The following HOOK3 variants were observed in gnomAD, a reference collection of about 807,000 sequenced individuals.
HOOK3 encodes protein Hook homolog 3.
In HOOK3, 24 loss-of-function variants were observed where a neutral mutation model predicts 116.3. The ratio of observed to expected loss-of-function variants is 0.21; its 90% CI spans 0.15 to 0.29. The LOEUF is 0.29. HOOK3 is among the 10% of genes least tolerant of loss of function. HOOK3 has a pLI of 1.00. For synonymous variants in HOOK3, 275 were observed against 283.0 expected (o/e 0.97, Z 0.28); for missense variants, 632 against 830.2 (o/e 0.76, Z 2.93).
At chr8:42,923,804 C>T (rs369124990) in intron 2 of HOOK3, among the ~76,000 whole-genome samples, 23 of 152,182 alleles carry the variant, frequency 1.5e-4, no homozygotes, top group African/African-American at 4.8e-4. Flanking sequence ...TAAATTGTGT[C>T]GTGAGTTATT....
intron 2 of HOOK3, among the ~76,000 whole-genome samples, chr8:42,924,155 G>A (rs1466541512): frequency 6.6e-6 from 1 of 151,894 alleles, no homozygotes; most frequent in African/African-American, 2.4e-5. Flanking sequence ...AGAGGCAGTT[G>A]TGGTGTTATG....
rs1335830775 is a variant in HOOK3 at position 42,997,561 on chromosome 8, A to G, written c.1544A>G (p.Gln515Arg). ...CATTTCATTTCTAGGCTGGTGAATC[A>G]AAGACTTCTGGAAGTACAGTCACAA... Reference protein sequence around the residue: ...ELETENRLVNQRLLEVQSQVE... With the variant: ...ELETENRLVNRRLLEVQSQVE... The change falls in exon 16 of 22, where the codon CAA (glutamine) becomes CGA (arginine). Residue 515 changes from glutamine (Q) to arginine (R), a missense_variant. Transcript: ENST00000307602. 6.2e-7 allele frequency: 1 copy of G among 1,604,068 alleles called. No homozygotes were observed.
chr8:43,014,232 GC>G (rs1256014663), intron 21 of HOOK3, among the ~76,000 whole-genome samples: 2 of 142,080 alleles, frequency 1.4e-5, no homozygotes, highest in Non-Finnish European at 3.0e-5. Context: ...GTTGCAATGA[GC>G]CGAGATTGTG....
At chr8:42,906,524 AG>A (rs1429194532) in intron 2 of HOOK3, among the ~76,000 whole-genome samples, 1 of 152,134 alleles carries the variant, frequency 6.6e-6, no homozygotes, top group Non-Finnish European at 1.5e-5. Context: ...TTTTCTTGTT[AG>A]TGGCCAGATT....
At chr8:42,926,057 C>G (rs930994140) in intron 3 of HOOK3, among the ~76,000 whole-genome samples, 1 of 152,170 alleles carries the variant, frequency 6.6e-6, no homozygotes, top group Non-Finnish European at 1.5e-5. Flanking sequence ...CGTAAACACT[C>G]AGAGAATGAA....
Position 43,028,899 on chromosome 8 carries a change from C to G in HOOK3, c.*10401C>G, listed in dbSNP as rs952496605. Reference sequence around the variant, plus strand: ...AGCAACAGACTTGATCCAGCAGTGTCGAATTCCAAGCAAGTTATGATGATT... The same window carrying G: ...AGCAACAGACTTGATCCAGCAGTGTGGAATTCCAAGCAAGTTATGATGATT... On this transcript the variant is annotated 3_prime_UTR_variant, in exon 22 of 22. Coordinates refer to ENST00000307602, the MANE Select transcript of HOOK3 (RefSeq NM_032410.4). 10 of 202,286 alleles carry G rather than the reference C, an allele frequency of 4.9e-5. No homozygotes were observed. Among genetic ancestry groups the G allele is most frequent in the African/African-American group, 2.3e-4 (10 of 43,370 alleles). 12.5% of individuals were successfully genotyped at this position (202,286 alleles called of 1,614,324 possible).
intron 2 of HOOK3, among the ~76,000 whole-genome samples, chr8:42,911,715 ATGGT>A (rs758594394): frequency 9.2e-5 from 14 of 152,152 alleles, no homozygotes; most frequent in Non-Finnish European, 1.9e-4. Context: ...GCATATTTTG[ATGGT>A]TGGTATGTGG....
At position 42,964,418 on chromosome 8, in the gene HOOK3, A is replaced by C; in HGVS notation, c.723A>C (p.Gly241=). 6.2e-7 allele frequency: 1 copy of C among 1,614,178 alleles called. No individual in the cohort carries two copies. Among genetic ancestry groups the C allele is most frequent in the Non-Finnish European group, 8.5e-7 (1 of 1,180,016 alleles). The change falls in exon 9 of 22, where the codon GGA becomes GGC. Residue 241 remains glycine, a synonymous_variant. Transcript: ENST00000307602. ...TAGAAGACCCTAACAGTCCAGCAGG[A>C]AGAAGGCATTTGCAGCTCCAGACTC... is the stretch of plus-strand genomic sequence containing the variant. ...DSIEDPNSPA[G]RRHLQLQTQL...
chr8:42,897,545 A>T (rs1329057157), intron 1 of HOOK3, among the ~76,000 whole-genome samples: 1 of 152,160 alleles, frequency 6.6e-6, no homozygotes, highest in Non-Finnish European at 1.5e-5. Flanking sequence ...TTCGCGGAGG[A>T]CGGGCCCGGC....
rs71231881 is a variant in HOOK3 at position 43,004,679 on chromosome 8, TAAA to T, written c.1655+2559_1655+2561del. ...CTGGGAGGCAGAGCAAGACTCCATCTAAAAAAAAAAAAAAAAAAAAAAACTACA... is the reference window on the plus strand; with the variant it reads ...CTGGGAGGCAGAGCAAGACTCCATCTAAAAAAAAAAAAAAAAAAAACTACA... On this transcript the variant is annotated intron_variant, in intron 17 of 21. Transcript: ENST00000307602. Among the ~76,000 whole-genome samples the T allele has an allele frequency of 2.1e-4, 18 of 86,658 alleles. 1 individual carries two copies. Among genetic ancestry groups the T allele is most frequent in the African/African-American group, 7.1e-4 (16 of 22,458 alleles). 56.9% of individuals were successfully genotyped at this position (86,658 alleles called of 152,430 possible). A position where few individuals can be genotyped will look rare whatever the true frequency, so the allele number is the denominator to read the frequency against.
chr8:42,965,873 T>C (rs1169819185), intron 9 of HOOK3, among the ~76,000 whole-genome samples: 1 of 152,174 alleles, frequency 6.6e-6, no homozygotes, highest in Non-Finnish European at 1.5e-5. Context: ...CTGGAGGTCC[T>C]CTGATAACCA....
At position 43,024,337 on chromosome 8, in the gene HOOK3, A is replaced by G. The variant is rs1290814507; in HGVS notation, c.*5839A>G. On this transcript the variant is annotated 3_prime_UTR_variant, in exon 22 of 22. Transcript: ENST00000307602. ...AACAGTGAAGCCTGTGTAATACCAT[A>G]CAGTAGGATGAAAGACTATTCTGAG... 1 of 194,910 alleles carries G rather than the reference A, an allele frequency of 5.1e-6. No homozygotes were observed. The highest frequency in any genetic ancestry group is 8.1e-5 in the East Asian group (1 of 12,380). 12.1% of individuals were successfully genotyped at this position (194,910 alleles called of 1,614,324 possible). A position where few individuals can be genotyped will look rare whatever the true frequency, so the allele number is the denominator to read the frequency against.
rs1399355570 is a variant in HOOK3, at chr8:42,950,397, A to G, written c.410A>G (p.Gln137Arg). The G allele has an allele frequency of 6.2e-7, 1 of 1,608,418 alleles. No individual in the cohort carries two copies. ...TTGTTCTTGTTTTCAGAGTACATCC[A>G]AGCCATTATGATGATGGAGGAATCT... is the stretch of plus-strand genomic sequence containing the variant. ...VNCEQKQEYI[Q>R]AIMMMEESVQ... Residue 137 changes from glutamine to arginine, a missense_variant, in exon 6 of 22, where the codon CAA becomes CGA. Physicochemically the swap from Gln to Arg is conservative, Grantham distance 43. Around this residue, in one of 3 missense-constraint regions of HOOK3, gnomAD observed 8 missense variants for 31.3 expected, o/e 0.26. Coordinates refer to ENST00000307602, the MANE Select transcript of HOOK3 (RefSeq NM_032410.4).
At chr8:42,917,508 G>T (rs977441305) in intron 2 of HOOK3, among the ~76,000 whole-genome samples, 1 of 152,138 alleles carries the variant, frequency 6.6e-6, no homozygotes, top group Non-Finnish European at 1.5e-5. Context: ...ATAAACTCTG[G>T]TATGGTTTAA....
chr8:42,949,226 T>G (rs1481371583), intron 5 of HOOK3, among the ~76,000 whole-genome samples: 1 of 152,204 alleles, frequency 6.6e-6, no homozygotes, highest in Non-Finnish European at 1.5e-5. Flanking sequence ...TCCTAATTAC[T>G]TTACTCTTTT....
chr8:42,961,968 G>A (rs1046338125), intron 8 of HOOK3, among the ~76,000 whole-genome samples: 4 of 151,936 alleles, frequency 2.6e-5, no homozygotes, highest in African/African-American at 7.3e-5. Context: ...TTTATGTTTC[G>A]TAGAGTTGGG....
rs756916314 is a variant in HOOK3 at position 42,986,710 on chromosome 8, G to A, written c.1447G>A (p.Gly483Ser). Residue 483 changes from glycine (G) to serine (S), a missense_variant, in exon 15 of 22, where the codon GGT becomes AGT. Coordinates refer to ENST00000307602, the MANE Select transcript of HOOK3 (RefSeq NM_032410.4). ...ENKMLKLNQE[G>S]SDNEKIALLQ... ...TAAGATGTTAAAGCTTAACCAAGAA[G>A]GTTCGGACAATGAAAAAATAGCCTT... 1.9e-6 allele frequency: 3 copies of A among 1,613,876 alleles called. No individual in the cohort carries two copies. Among genetic ancestry groups the A allele is most frequent in the South Asian group, 1.1e-5 (1 of 91,054 alleles).
chr8:43,003,361 T>G (rs1012209904), intron 17 of HOOK3, among the ~76,000 whole-genome samples: 2 of 152,218 alleles, frequency 1.3e-5, no homozygotes, highest in African/African-American at 4.8e-5. Context: ...AGATTCTTAA[T>G]GTACTAGAAC....
rs1809989297 is a variant in HOOK3 at position 43,029,309 on chromosome 8, C to T, written c.*10811C>T. ...GGACTGCAGGCACATGCCACCACAT[C>T]CAGCTAATTTTTGTATTTTTAGTAG... On this transcript the variant is annotated 3_prime_UTR_variant, in exon 22 of 22. Transcript: ENST00000307602. 6.0e-6 allele frequency: 1 copy of T among 165,690 alleles called. No individual in the cohort carries two copies. Among genetic ancestry groups the T allele is most frequent in the Non-Finnish European group, 1.3e-5 (1 of 75,964 alleles). 10.3% of individuals were successfully genotyped at this position (165,690 alleles called of 1,614,324 possible). A position where few individuals can be genotyped will look rare whatever the true frequency, so the allele number is the denominator to read the frequency against.
Sources: gnomAD v4.1 joint callset for allele counts (sites outside exome capture counted in the v4.1 genomes callset) on GRCh38, gnomAD v4.1.1 for gene constraint, gnomAD v4.1.1 regional missense constraint, MANE v1.5 for transcripts, NCBI Gene and HGNC (gene_info 2026-07-23, HGNC 2026-07-21) for gene names.